Variants in VRK1 observed in about 807,000 individuals in gnomAD.
The protein encoded by VRK1 is serine/threonine-protein kinase VRK1.
A neutral mutation model predicts 57.1 loss-of-function variants in VRK1; 33 were observed. That is an observed-to-expected ratio of 0.58 (90% CI 0.44 to 0.77). The LOEUF is 0.77. Among genes scored for constraint, VRK1 ranks in the 30% least tolerant of loss-of-function variants. The pLI is 0.00. For synonymous variants in VRK1, 137 were observed against 147.8 expected, an observed-to-expected ratio of 0.93 and a Z score of 0.53; for missense variants, 413 against 477.3, an observed-to-expected ratio of 0.87 and a Z score of 1.25.
At chr14:96,851,082 T>C (rs1213088672) in intron 5 of VRK1, among the ~76,000 whole-genome samples, 1 of 152,166 alleles carries the variant, frequency 6.6e-6, no homozygotes, top group Non-Finnish European at 1.5e-5. Flanking sequence ...TTTCACTTTA[T>C]TATCTTACAA....
chr14:96,849,321 G>A (rs540259160), intron 5 of VRK1, among the ~76,000 whole-genome samples: 1 of 152,146 alleles, frequency 6.6e-6, no homozygotes, highest in South Asian at 2.1e-4. Context: ...ATATTCCTAA[G>A]GAACAGTACA....
intron 1 of VRK1, among the ~76,000 whole-genome samples, chr14:96,808,097 A>G (rs1885984580): frequency 1.3e-5 from 2 of 151,404 alleles, no homozygotes; most frequent in South Asian, 4.2e-4. Context: ...CCTGGGTAAT[A>G]CCAATATTAA....
intron 10 of VRK1, among the ~76,000 whole-genome samples, chr14:96,858,719 ACT>A (rs1445173375): frequency 6.6e-6 from 1 of 151,138 alleles, no homozygotes. Context: ...CTGTTTCTGG[ACT>A]CTCTTTTTTC....
chr14:96,854,242 G>C lies in VRK1; in HGVS notation c.577-982G>C, dbSNP rs544649248. Among the ~76,000 whole-genome samples, 7 of 152,178 alleles carry C rather than the reference G, an allele frequency of 4.6e-5. No homozygotes were observed. In the East Asian group the frequency reaches 1.3e-3, roughly 29 times the overall value. ...ACGCAGCTAACAACCTGAACAATAA[G>C]GGTTCCATTAATTGAAATAGTCTGG... On this transcript the variant is annotated intron_variant, in intron 7 of 12. Transcript: ENST00000216639.
At chr14:96,854,944 A>G (rs1320686435) in intron 7 of VRK1, among the ~76,000 whole-genome samples, 1 of 152,096 alleles carries the variant, frequency 6.6e-6, no homozygotes. Flanking sequence ...AGACAAGATT[A>G]ATTACAAGTA....
At position 96,867,485 on chromosome 14, in the gene VRK1, GTGTGTGTT is replaced by G. The variant is rs1888632156; in HGVS notation, c.1068+6751_1068+6758del. On this transcript the variant is annotated intron_variant, in intron 11 of 12. Coordinates refer to ENST00000216639, the MANE Select transcript of VRK1 (RefSeq NM_003384.3). ...TGTGTGTGTGTGTGTGTGTGTGTGT[GTGTGTGTT>G]CTAGTTTGTTTTTACACTTTAATTA... 1.3e-5 allele frequency among the ~76,000 whole-genome samples: 2 copies of G among 148,156 alleles called. 1 individual carries two copies. Among genetic ancestry groups the G allele is most frequent in the African/African-American group, 5.2e-5 (2 of 38,310 alleles).
At chr14:96,822,318 A>G (rs1218612987) in intron 1 of VRK1, among the ~76,000 whole-genome samples, 1 of 152,166 alleles carries the variant, frequency 6.6e-6, no homozygotes, top group African/African-American at 2.4e-5. Context: ...AATAATGTAG[A>G]ATTCCAATGG....
intron 11 of VRK1, among the ~76,000 whole-genome samples, chr14:96,872,973 T>C (rs1056585235): frequency 4.6e-5 from 7 of 152,190 alleles, no homozygotes; most frequent in African/African-American, 9.7e-5. Flanking sequence ...ATAGCACATA[T>C]GACATATGTG....
intron 12 of VRK1, 96 bp from the exon 13 acceptor site, chr14:96,881,081 A>G: frequency 9.3e-7 from 1 of 1,073,244 alleles, no homozygotes; most frequent in South Asian, 1.5e-5. Flanking sequence ...TGATTTTAAA[A>G]TGTTAATAAC....
chr14:96,838,401 C>T (rs1349212554), intron 3 of VRK1, among the ~76,000 whole-genome samples: 1 of 152,122 alleles, frequency 6.6e-6, no homozygotes, highest in East Asian at 1.9e-4. Flanking sequence ...AACTAGAAGA[C>T]ATTTTACCGT....
chr14:96,871,975 T>C (rs1566719455), intron 11 of VRK1, among the ~76,000 whole-genome samples: 1 of 152,110 alleles, frequency 6.6e-6, no homozygotes, highest in Non-Finnish European at 1.5e-5. Flanking sequence ...CTGGCTAATT[T>C]TTGTATTTTT....
chr14:96,875,955 G>C, intron 11 of VRK1, 75 bp from the exon 12 acceptor site: 1 of 1,487,018 alleles, frequency 6.7e-7, no homozygotes, highest in South Asian at 1.1e-5. Context: ...CACACACACA[G>C]ACAAATATGT....
At chr14:96,859,673 G>A (rs1234539399) in intron 10 of VRK1, among the ~76,000 whole-genome samples, 2 of 152,144 alleles carry the variant, frequency 1.3e-5, no homozygotes, top group South Asian at 2.1e-4. Flanking sequence ...GTGTGTGTGT[G>A]TGTAGAACTG....
At position 96,837,688 on chromosome 14, in the gene VRK1, A is replaced by T. The variant is rs10132650; in HGVS notation, c.161-74A>T. ...AAGTGTATTCTATCAAGGGTTACAG[A>T]TATACAAACCTAAATATTAATATAT... On this transcript the variant is annotated intron_variant, in intron 2 of 12. Transcript: ENST00000216639. 0.056 allele frequency: 52,153 copies of T among 923,508 alleles called. 1,734 individuals carry two copies. Among genetic ancestry groups the T allele is most frequent in the Non-Finnish European group, 0.065 (42,183 of 647,462 alleles). 57.2% of individuals were successfully genotyped at this position (923,508 alleles called of 1,614,324 possible).
At chr14:96,851,877 C>G (rs906001879) in intron 5 of VRK1, among the ~76,000 whole-genome samples, 2 of 152,168 alleles carry the variant, frequency 1.3e-5, no homozygotes, top group African/African-American at 4.8e-5. Flanking sequence ...TGTGTGCATA[C>G]CAGGTGTTCA....
At chr14:96,799,191 G>A (rs181659242) in intron 1 of VRK1, among the ~76,000 whole-genome samples, 21 of 152,206 alleles carry the variant, frequency 1.4e-4, no homozygotes, top group Non-Finnish European at 2.2e-4. Context: ...GTTAGTAAGT[G>A]CCCAGGAAAT....
Position 96,824,538 on chromosome 14 carries a change from G to T in VRK1, c.-5-8929G>T, listed in dbSNP as rs552039691. ...TGAAGGCGGATCTCGGAGTGAGTTG[G>T]ATAAGTAGGTGAAAGGAAATATTGG... is the stretch of plus-strand genomic sequence containing the variant. On this transcript the variant is annotated intron_variant, in intron 1 of 12. Coordinates refer to ENST00000216639, the MANE Select transcript of VRK1 (RefSeq NM_003384.3). 4.6e-5 allele frequency among the ~76,000 whole-genome samples: 7 copies of T among 152,252 alleles called. No individual in the cohort carries two copies. The South Asian group carries it at 1.5e-3, about 32-fold the overall frequency.
At chr14:96,835,915 C>T (rs915648379) in intron 2 of VRK1, among the ~76,000 whole-genome samples, 3 of 152,102 alleles carry the variant, frequency 2.0e-5, no homozygotes, top group African/African-American at 7.2e-5. Context: ...CTTTTATGAC[C>T]AAGTATACTG....
At chr14:96,827,743 G>A (rs1404151271) in intron 1 of VRK1, among the ~76,000 whole-genome samples, 1 of 152,068 alleles carries the variant, frequency 6.6e-6, no homozygotes, top group Non-Finnish European at 1.5e-5. Context: ...TTTTATTTAT[G>A]TTACATTTTC....
Sources: allele counts gnomAD v4.1 joint callset (sites outside exome capture counted in the v4.1 genomes callset), GRCh38; gene constraint gnomAD v4.1.1; transcripts MANE v1.5; gene names NCBI Gene and HGNC (gene_info 2026-07-23, HGNC 2026-07-21).